WNK1: variants seen among roughly 807,000 people sequenced by gnomAD.
WNK1 encodes WNK lysine deficient protein kinase 1.
In WNK1, 38 loss-of-function variants were observed where a neutral mutation model predicts 222.8. The observed-to-expected ratio is 0.17, with a 90% confidence interval of 0.13 to 0.22. WNK1 has a LOEUF of 0.22. Among genes scored for constraint, WNK1 ranks in the 10% least tolerant of loss-of-function variants. The pLI is 1.00. For synonymous variants in WNK1, 1,090 were observed against 1,092.9 expected (o/e 1.00, Z 0.05); for missense variants, 2,348 against 2,918.4 (o/e 0.80, Z 4.50).
intron 1 of WNK1, among the ~76,000 whole-genome samples, chr12:789,461 C>T (rs1374053216): frequency 6.6e-6 from 1 of 151,430 alleles, no homozygotes; most frequent in African/African-American, 2.4e-5. Flanking sequence ...GTCCCCAGTT[C>T]TACCTGTATA....
At chr12:869,139 C>T (rs759711442) in intron 8 of WNK1, 10 of 1,609,434 alleles carry the variant, frequency 6.2e-6, no homozygotes. Context: ...TTTTAAACTA[C>T]CCTACTTTGC....
At chr12:895,448 T>A (rs926078678) in intron 23 of WNK1, among the ~76,000 whole-genome samples, 7 of 151,968 alleles carry the variant, frequency 4.6e-5, no homozygotes, top group African/African-American at 1.7e-4. Flanking sequence ...TTATTTTATT[T>A]TTTTATTTTT....
In WNK1 at chr12:869,085, G is replaced by T. The variant is rs1236055095; in HGVS notation, c.2140-2180G>T. 3.1e-6 allele frequency: 5 copies of T among 1,613,926 alleles called. No homozygotes were observed. The highest frequency in any genetic ancestry group is 1.7e-6 in the Non-Finnish European group (2 of 1,179,870). ...TTAACTGCCTCATTTTCTTCAGGAG[G>T]ATCTGCACTTCATCCACAGGTTATA... On this transcript the variant is annotated intron_variant, in intron 8 of 27. Transcript: ENST00000315939.
intron 1 of WNK1, among the ~76,000 whole-genome samples, chr12:800,821 A>C (rs1247879414): frequency 6.6e-6 from 1 of 152,138 alleles, no homozygotes; most frequent in Non-Finnish European, 1.5e-5. Flanking sequence ...AGTTGTTTTG[A>C]TATCTTTAGA....
chr12:890,561 C>G (rs185854659), intron 22 of WNK1, 48 bp downstream of exon 22: 4 of 1,599,176 alleles, frequency 2.5e-6, no homozygotes, highest in Non-Finnish European at 3.4e-6. Flanking sequence ...CAGCCCTACC[C>G]GTAGTTGATT....
chr12:889,107 G>A lies in WNK1; in HGVS notation c.5365-33G>A, dbSNP rs375497453. The A allele has an allele frequency of 2.4e-5, 38 of 1,591,762 alleles. No homozygotes were observed. In the Admixed American group the frequency reaches 2.7e-4, roughly 11 times the overall value. ...TATATCGTGACTCTGAAGGTGCCAC[G>A]GAACTGTATTTACTGTGATTGTTTT... On this transcript the variant is annotated intron_variant, in intron 20 of 27. Coordinates refer to ENST00000315939, the MANE Select transcript of WNK1 (RefSeq NM_018979.4).
rs1171711883 is a variant in WNK1, at chr12:827,417, C to A, written c.1153+155C>A. The A allele has an allele frequency of 1.5e-6, 1 of 673,736 alleles. No homozygotes were observed. The highest frequency in any genetic ancestry group is 2.6e-5 in the Admixed American group (1 of 38,264). 41.7% of individuals were successfully genotyped at this position (673,736 alleles called of 1,614,324 possible). A position where few individuals can be genotyped will look rare whatever the true frequency, so the allele number is the denominator to read the frequency against. ...CATTGTACTTATGAGATATAGGATT[C>A]TCTATATTTGTGCTTCTTGGAATCA... On this transcript the variant is annotated intron_variant, in intron 3 of 27. Transcript: ENST00000315939. The surrounding 1 kb of genome is among the most constrained non-coding windows in gnomAD (Gnocchi z 4.6).
At chr12:812,486 C>A (rs577237566) in intron 1 of WNK1, among the ~76,000 whole-genome samples, 2 of 152,208 alleles carry the variant, frequency 1.3e-5, no homozygotes, top group South Asian at 4.1e-4. Flanking sequence ...GGATAAGAGT[C>A]AATATAATGT....
At chr12:790,419 G>T (rs1372503748) in intron 1 of WNK1, among the ~76,000 whole-genome samples, 3 of 152,120 alleles carry the variant, frequency 2.0e-5, no homozygotes. Flanking sequence ...AAAGTGGTCT[G>T]TAAACTAAGT....
chr12:899,300 T>TTTTTTTTG, intron 25 of WNK1, among the ~76,000 whole-genome samples: 1 of 151,508 alleles, frequency 6.6e-6, no homozygotes, highest in East Asian at 2.0e-4. Context: ...CAATCAGATC[T>TTTTTTTTG]TTTTTGTTTT....
At chr12:862,419 G>C in intron 8 of WNK1, 149 bp downstream of exon 8, 1 of 881,694 alleles carries the variant, frequency 1.1e-6, no homozygotes, top group East Asian at 2.7e-5. Flanking sequence ...TTATAGAGTA[G>C]GATATAGACA....
intron 23 of WNK1, 152 bp downstream of exon 23, chr12:894,787 A>C (rs1242805179): frequency 1.5e-6 from 1 of 680,028 alleles, no homozygotes; most frequent in African/African-American, 1.8e-5. Flanking sequence ...TTTCCTAATA[A>C]AAGTAATATA....
At chr12:870,391 A>G (rs991895877) in intron 8 of WNK1, among the ~76,000 whole-genome samples, 26 of 152,326 alleles carry the variant, frequency 1.7e-4, no homozygotes, top group African/African-American at 6.3e-4. Context: ...AGGAATCAAT[A>G]TTTATAATAG....
At chr12:867,316 A>G (rs796519166) in intron 8 of WNK1, among the ~76,000 whole-genome samples, 11 of 152,296 alleles carry the variant, frequency 7.2e-5, no homozygotes, top group African/African-American at 2.6e-4. Flanking sequence ...CTATCCACCA[A>G]AAATCTCTTC....
At chr12:875,000 T>G (rs927147437) in intron 9 of WNK1, among the ~76,000 whole-genome samples, 6 of 152,110 alleles carry the variant, frequency 3.9e-5, no homozygotes, top group Non-Finnish European at 7.4e-5. Context: ...TAGACTCAGA[T>G]GTAGAAATAA....
rs1948451092 is a variant in WNK1 at position 827,540 on chromosome 12, T to C, written c.1153+278T>C. On this transcript the variant is annotated intron_variant, in intron 3 of 27. Coordinates refer to ENST00000315939, the MANE Select transcript of WNK1 (RefSeq NM_018979.4). The surrounding 1 kb of genome is among the most constrained non-coding windows in gnomAD (Gnocchi z 4.6). ...CCTTTTTTGTTGTTGTTGTTGTTGT[T>C]GTTGTTGAGATGGAGTCTCTCTCTG... 5 of 523,524 alleles carry C rather than the reference T, an allele frequency of 9.6e-6. No individual in the cohort carries two copies. In the East Asian group the frequency reaches 1.6e-4, roughly 16 times the overall value. 32.4% of individuals were successfully genotyped at this position (523,524 alleles called of 1,614,324 possible).
chr12:908,089 T>C, intron 27 of WNK1, 55 bp downstream of exon 27: 1 of 1,589,040 alleles, frequency 6.3e-7, no homozygotes. Context: ...GTCAAGGTGA[T>C]AGAAACAACT....
chr12:872,794 T>C (rs1952267050), intron 9 of WNK1, among the ~76,000 whole-genome samples: 1 of 152,208 alleles, frequency 6.6e-6, no homozygotes, highest in Non-Finnish European at 1.5e-5. Flanking sequence ...CAAATGGCCC[T>C]TTTTCAGTCC....
Position 763,980 on chromosome 12 carries a change from T to C in WNK1, c.759+9656T>C, listed in dbSNP as rs908844349. 2.4e-4 allele frequency among the ~76,000 whole-genome samples: 35 copies of C among 147,746 alleles called. 5 individuals are homozygous for C. Among genetic ancestry groups the C allele is most frequent in the Non-Finnish European group, 3.6e-4 (24 of 66,036 alleles). ...GGACATGTTGAGTTTGAGATTCTTA[T>C]GTAATCTCCAGTAAGAAGTTCAATA... On this transcript the variant is annotated intron_variant, in intron 1 of 27. Transcript: ENST00000315939.
Sources: allele counts gnomAD v4.1 joint callset (sites outside exome capture counted in the v4.1 genomes callset), GRCh38; gene constraint gnomAD v4.1.1; non-coding constraint Gnocchi (gnomAD v3.1); transcripts MANE v1.5; gene names NCBI Gene and HGNC (gene_info 2026-07-23, HGNC 2026-07-21).